Variants in PARD3 observed in about 807,000 individuals in gnomAD.
PARD3 encodes the protein partitioning defective 3 homolog.
Under a neutral mutation model 155.4 loss-of-function variants are expected in PARD3, and 75 were observed. The observed-to-expected ratio is 0.48, with a 90% confidence interval of 0.40 to 0.58. PARD3 has a LOEUF of 0.58. PARD3 is among the 20% of genes least tolerant of loss of function. The pLI is 0.00. For synonymous variants in PARD3, 576 were observed against 610.5 expected (o/e 0.94, Z 0.83); for missense variants, 1,642 against 1,721.7 (o/e 0.95, Z 0.82).
intron 22 of PARD3, among the ~76,000 whole-genome samples, chr10:34,180,455 G>T (rs1471437358): frequency 2.0e-5 from 3 of 152,172 alleles, no homozygotes; most frequent in African/African-American, 4.8e-5. Flanking sequence ...AGACAGGCTG[G>T]TTCTAGGTAA....
At chr10:34,174,216 G>A (rs371394623) in intron 22 of PARD3, among the ~76,000 whole-genome samples, 4 of 152,104 alleles carry the variant, frequency 2.6e-5, no homozygotes, top group South Asian at 2.1e-4. Flanking sequence ...ACAGACTTTC[G>A]GAAAGATACT....
At position 34,416,380 on chromosome 10, in the gene PARD3, AT is replaced by A. The variant is rs1393358452; in HGVS notation, c.715-14464del. Among the ~76,000 whole-genome samples, 9 of 152,288 alleles carry A rather than the reference AT, an allele frequency of 5.9e-5. No individual in the cohort carries two copies. In the East Asian group the frequency reaches 9.6e-4, roughly 16 times the overall value. On this transcript the variant is annotated intron_variant, in intron 5 of 24. Coordinates refer to ENST00000374788, the MANE Select transcript of PARD3 (RefSeq NM_001184785.2). ...CATTTCAGTGACACTTCACACCAAC[AT>A]AAGGAGGGCAGGGGGGACTTTGCAG... is the stretch of plus-strand genomic sequence containing the variant.
At chr10:34,567,744 AG>A (rs1035878478) in intron 2 of PARD3, among the ~76,000 whole-genome samples, 24 of 152,368 alleles carry the variant, frequency 1.6e-4, no homozygotes, top group South Asian at 6.2e-4. Flanking sequence ...AGATAAAAAT[AG>A]GAAGATCTGA....
intron 21 of PARD3, among the ~76,000 whole-genome samples, chr10:34,278,328 T>C (rs1955988262): frequency 6.6e-6 from 1 of 152,208 alleles, no homozygotes; most frequent in Non-Finnish European, 1.5e-5. Flanking sequence ...ACATCAATTT[T>C]TTAATGTTAA....
chr10:34,340,801 G>A (rs550237021), intron 16 of PARD3, among the ~76,000 whole-genome samples: 1 of 152,180 alleles, frequency 6.6e-6, no homozygotes, highest in Admixed American at 6.5e-5. Flanking sequence ...AAAAACAGTA[G>A]GAAGCAGGAA....
At chr10:34,416,397 G>C (rs773261452) in intron 5 of PARD3, among the ~76,000 whole-genome samples, 1 of 152,262 alleles carries the variant, frequency 6.6e-6, no homozygotes, top group South Asian at 2.1e-4. Context: ...GGGCAGGGGG[G>C]ACTTTGCAGA....
intron 14 of PARD3, among the ~76,000 whole-genome samples, chr10:34,349,108 G>A (rs1215792462): frequency 6.6e-6 from 1 of 152,148 alleles, no homozygotes; most frequent in Admixed American, 6.5e-5. Flanking sequence ...CCAATGTGGG[G>A]GAGTGGGCAG....
intron 2 of PARD3, among the ~76,000 whole-genome samples, chr10:34,602,061 T>C (rs894891195): frequency 2.0e-5 from 3 of 152,206 alleles, no homozygotes; most frequent in Admixed American, 6.5e-5. Context: ...AAGTGTACTT[T>C]GTCGAACTAT....
chr10:34,680,638 C>T (rs1441802914), intron 2 of PARD3, among the ~76,000 whole-genome samples: 1 of 151,064 alleles, frequency 6.6e-6, no homozygotes, highest in African/African-American at 2.4e-5. Context: ...TTCAAGGTAA[C>T]AAGAGGCATG....
At chr10:34,598,332 A>C (rs2089476853) in intron 2 of PARD3, among the ~76,000 whole-genome samples, 1 of 152,206 alleles carries the variant, frequency 6.6e-6, no homozygotes. Flanking sequence ...GGAAGGTGGA[A>C]TTTTAAATAT....
rs537289149 is a variant in PARD3, at chr10:34,651,570, C to T, written c.222+44748G>A. 2.0e-5 allele frequency among the ~76,000 whole-genome samples: 3 copies of T among 152,304 alleles called. No homozygotes were observed. The East Asian group carries it at 5.8e-4, about 29-fold the overall frequency. ...GCCAACCGCAGTCCCTGAAGAGGGG[C>T]TTGCAGTGAAGACAAAAACCATAAG... is the stretch of plus-strand genomic sequence containing the variant. On this transcript the variant is annotated intron_variant, in intron 2 of 24. Coordinates refer to ENST00000374788, the MANE Select transcript of PARD3 (RefSeq NM_001184785.2).
intron 2 of PARD3, among the ~76,000 whole-genome samples, chr10:34,655,500 G>A (rs768176440): frequency 3.9e-5 from 6 of 152,106 alleles, no homozygotes; most frequent in Non-Finnish European, 7.4e-5. Flanking sequence ...GAATGGGGAG[G>A]AGCATAAATT....
At chr10:34,712,591 G>A (rs2094463521) in intron 1 of PARD3, among the ~76,000 whole-genome samples, 1 of 152,166 alleles carries the variant, frequency 6.6e-6, no homozygotes, top group African/African-American at 2.4e-5. Flanking sequence ...CATAGCTTAG[G>A]CTCAGACGCT....
At chr10:34,236,974 A>G (rs1051268286) in intron 22 of PARD3, among the ~76,000 whole-genome samples, 11 of 152,184 alleles carry the variant, frequency 7.2e-5, no homozygotes, top group African/African-American at 2.4e-4. Flanking sequence ...ATCCTCTACA[A>G]AAAGAGTGTT....
At chr10:34,411,749 T>C (rs932073107) in intron 5 of PARD3, among the ~76,000 whole-genome samples, 2 of 143,468 alleles carry the variant, frequency 1.4e-5, no homozygotes, top group Admixed American at 6.8e-5. Context: ...GATAGATAGA[T>C]AGATAGATAG....
intron 2 of PARD3, among the ~76,000 whole-genome samples, chr10:34,677,210 G>A (rs2093724734): frequency 6.6e-6 from 1 of 152,200 alleles, no homozygotes; most frequent in African/African-American, 2.4e-5. Flanking sequence ...GCCAGGCACA[G>A]TGACTCACAC....
chr10:34,762,703 T>C (rs1837616727), intron 1 of PARD3, among the ~76,000 whole-genome samples: 1 of 152,126 alleles, frequency 6.6e-6, no homozygotes, highest in South Asian at 2.1e-4. Flanking sequence ...TATTGGAGAC[T>C]GGGAGTCGGG....
At chr10:34,596,629 C>T (rs563641833) in intron 2 of PARD3, among the ~76,000 whole-genome samples, 2 of 152,248 alleles carry the variant, frequency 1.3e-5, no homozygotes, top group African/African-American at 4.8e-5. Context: ...CCCCAACACA[C>T]GGGGATGACA....
At chr10:34,623,699 G>A (rs1471502560) in intron 2 of PARD3, among the ~76,000 whole-genome samples, 1 of 151,410 alleles carries the variant, frequency 6.6e-6, no homozygotes, top group African/African-American at 2.4e-5. Flanking sequence ...GTCAGTGCAG[G>A]GCCAGGTGCA....
Sources: gnomAD v4.1 joint callset for allele counts (sites outside exome capture counted in the v4.1 genomes callset) on GRCh38, gnomAD v4.1.1 for gene constraint, MANE v1.5 for transcripts, NCBI Gene and HGNC (gene_info 2026-07-23, HGNC 2026-07-21) for gene names.